CNTN3: variants seen among roughly 807,000 people sequenced by gnomAD.
The protein encoded by CNTN3 is contactin-3.
A neutral mutation model predicts 119.1 loss-of-function variants in CNTN3; 60 were observed. The observed-to-expected ratio is 0.50, with a 90% CI of 0.41 to 0.62. The LOEUF (loss-of-function observed/expected upper bound fraction) is 0.62, where lower values mean the gene tolerates loss of function less well. Ranked by LOEUF, CNTN3 falls within the 20% of genes least tolerant of loss-of-function variation. The pLI is 0.00. For missense variants in CNTN3, 1,101 were observed against 1,242.4 expected (o/e 0.89, Z 1.71); for synonymous variants, 450 against 438.7 (o/e 1.03, Z -0.32).
intron 4 of CNTN3, among the ~76,000 whole-genome samples, chr3:74,462,924 A>G (rs762175833): frequency 5.9e-5 from 9 of 152,100 alleles, no homozygotes; most frequent in Non-Finnish European, 1.3e-4. Flanking sequence ...TGCCCTGTTA[A>G]TCTCTTCCTA....
At chr3:74,331,379 TAG>T (rs1364473983) in intron 13 of CNTN3, among the ~76,000 whole-genome samples, 1 of 152,198 alleles carries the variant, frequency 6.6e-6, no homozygotes, top group Non-Finnish European at 1.5e-5. Context: ...GGGTGTGTAG[TAG>T]GCTGTATCAT....
chr3:74,400,470 C>G (rs1055819544), intron 5 of CNTN3, among the ~76,000 whole-genome samples: 14 of 152,106 alleles, frequency 9.2e-5, no homozygotes, highest in African/African-American at 2.9e-4. Context: ...AAATAATAAT[C>G]CTTTGTAGGG....
rs144112116 is a variant in CNTN3 at position 74,491,429 on chromosome 3, G to C, written c.183-4798C>G. Among the ~76,000 whole-genome samples the C allele has an allele frequency of 1.9e-3, 285 of 152,244 alleles. 2 individuals are homozygous for C. The highest frequency in any genetic ancestry group is 6.5e-3 in the African/African-American group (268 of 41,544). On this transcript the variant is annotated intron_variant, in intron 3 of 22. Transcript: ENST00000263665. ...AAGGTGAGAGGGCTTAAGCCTGGAA[G>C]ATGGAAGTTGCTGCCAGCTGAGATG...
At chr3:74,436,715 G>C (rs567312295) in intron 4 of CNTN3, among the ~76,000 whole-genome samples, 2 of 152,100 alleles carry the variant, frequency 1.3e-5, no homozygotes, top group South Asian at 2.1e-4. Flanking sequence ...TGCCAAATTA[G>C]ATAAAAGAGA....
At chr3:74,364,337 A>G in intron 10 of CNTN3, 130 bp downstream of exon 10, 3 of 824,718 alleles carry the variant, frequency 3.6e-6, no homozygotes, top group Non-Finnish European at 5.4e-6. Flanking sequence ...AAACTGAATG[A>G]TCGTGTTGTA....
At chr3:74,526,045 T>C (rs969159780) in intron 1 of CNTN3, among the ~76,000 whole-genome samples, 7 of 151,910 alleles carry the variant, frequency 4.6e-5, no homozygotes, top group East Asian at 1.9e-4. Flanking sequence ...TTCTTTCAGA[T>C]AACATGTACC....
chr3:74,465,689 C>T (rs902612051), intron 4 of CNTN3, among the ~76,000 whole-genome samples: 1 of 152,200 alleles, frequency 6.6e-6, no homozygotes, highest in Non-Finnish European at 1.5e-5. Context: ...CTCTATCTGA[C>T]AACAGCATAT....
chr3:74,408,285 T>TA (rs1355820787), intron 5 of CNTN3, among the ~76,000 whole-genome samples: 1 of 151,966 alleles, frequency 6.6e-6, no homozygotes, highest in African/African-American at 2.4e-5. Context: ...AACTAATGTT[T>TA]AAAAAAAAGG....
At chr3:74,501,203 G>C (rs1204987478) in intron 2 of CNTN3, among the ~76,000 whole-genome samples, 1 of 151,838 alleles carries the variant, frequency 6.6e-6, no homozygotes, top group African/African-American at 2.4e-5. Context: ...ACATCAGACA[G>C]ACTAACCATG....
intron 11 of CNTN3, among the ~76,000 whole-genome samples, chr3:74,348,355 G>A (rs967524291): frequency 7.2e-5 from 11 of 152,024 alleles, no homozygotes; most frequent in Non-Finnish European, 1.6e-4. Context: ...TAAAACTGAG[G>A]GGGAGAAAGT....
At chr3:74,464,186 T>C (rs949411877) in intron 4 of CNTN3, among the ~76,000 whole-genome samples, 1 of 152,192 alleles carries the variant, frequency 6.6e-6, no homozygotes, top group Non-Finnish European at 1.5e-5. Context: ...GAGATAACTA[T>C]ATAAAAGCTT....
intron 13 of CNTN3, among the ~76,000 whole-genome samples, chr3:74,331,395 G>A (rs1354554446): frequency 6.6e-6 from 1 of 152,188 alleles, no homozygotes; most frequent in Non-Finnish European, 1.5e-5. Flanking sequence ...GTATCATTAG[G>A]TTTGTGTAAG....
intron 4 of CNTN3, among the ~76,000 whole-genome samples, chr3:74,473,242 T>C (rs559731921): frequency 6.6e-5 from 10 of 151,418 alleles, no homozygotes; most frequent in Non-Finnish European, 1.0e-4. Context: ...GATTAGATGC[T>C]ATCTTATATA....
At chr3:74,279,701 G>A (rs1303676362) in intron 20 of CNTN3, among the ~76,000 whole-genome samples, 1 of 151,996 alleles carries the variant, frequency 6.6e-6, no homozygotes, top group Non-Finnish European at 1.5e-5. Flanking sequence ...ATACCACTTG[G>A]GGGATGGGTG....
At chr3:74,477,856 T>G (rs1023400952) in intron 4 of CNTN3, among the ~76,000 whole-genome samples, 12 of 151,082 alleles carry the variant, frequency 7.9e-5, no homozygotes, top group Admixed American at 7.9e-4. Flanking sequence ...TTTAAAAAAA[T>G]TAAAAAAAAA....
intron 20 of CNTN3, among the ~76,000 whole-genome samples, chr3:74,277,011 T>C (rs1226724280): frequency 6.6e-6 from 1 of 151,958 alleles, no homozygotes; most frequent in African/African-American, 2.4e-5. Context: ...ATACCTTTTC[T>C]CACATAAACT....
intron 2 of CNTN3, among the ~76,000 whole-genome samples, chr3:74,516,346 T>C (rs1390096187): frequency 1.3e-5 from 2 of 150,308 alleles, no homozygotes; most frequent in African/African-American, 5.0e-5. Flanking sequence ...CCCCTTCTTC[T>C]TCTTCCTCCC....
chr3:74,570,083 C>T (rs776790468), intron 1 of CNTN3, among the ~76,000 whole-genome samples: 4 of 152,120 alleles, frequency 2.6e-5, no homozygotes, highest in Non-Finnish European at 5.9e-5. Context: ...TTAGAGGGTT[C>T]GTCCAACAAG....
intron 5 of CNTN3, among the ~76,000 whole-genome samples, chr3:74,384,767 T>C (rs1704705758): frequency 6.6e-6 from 1 of 152,226 alleles, no homozygotes; most frequent in Non-Finnish European, 1.5e-5. Flanking sequence ...TCTGTGGGAC[T>C]TGAGTCCTCT....
Sources: gnomAD v4.1 joint callset for allele counts (sites outside exome capture counted in the v4.1 genomes callset) on GRCh38, gnomAD v4.1.1 for gene constraint, MANE v1.5 for transcripts, NCBI Gene and HGNC (gene_info 2026-07-23, HGNC 2026-07-21) for gene names.